The following RPS12 variants were observed in gnomAD, a reference collection of about 807,000 sequenced individuals.
RPS12 encodes the protein ribosomal protein S12.
RPS12 carries 1 observed loss-of-function variant against 17.2 expected under a neutral mutation model. The ratio of observed to expected loss-of-function variants is 0.06; its 90% CI spans 0.02 to 0.28. The LOEUF (loss-of-function observed/expected upper bound fraction) is 0.28, where lower values mean the gene tolerates loss of function less well. Ranked by LOEUF, RPS12 falls within the 10% of genes least tolerant of loss-of-function variation. RPS12 has a pLI of 1.00. For synonymous variants in RPS12, 67 were observed against 54.0 expected (o/e 1.24, Z -1.06); for missense variants, 146 against 162.1 (o/e 0.90, Z 0.54).
chr6:132,815,755 A>C (rs760317344), intron 3 of RPS12: 57 of 456,436 alleles, frequency 1.2e-4, no homozygotes, highest in African/African-American at 1.0e-3. Flanking sequence ...AGTAGGTCCT[A>C]GTATGAGTCT....
chr6:132,817,156 A>C, intron 5 of RPS12, 95 bp downstream of exon 5: 1 of 867,688 alleles, frequency 1.2e-6, no homozygotes, highest in Non-Finnish European at 1.9e-6. Context: ...AAAGGAAAAA[A>C]CTGATTCAAC....
At chr6:132,816,161 G>A (rs1782056687) in intron 3 of RPS12, 1 of 466,280 alleles carries the variant, frequency 2.1e-6, no homozygotes, top group Non-Finnish European at 3.9e-6. Flanking sequence ...GGTATATGAA[G>A]CTGGCTTACA....
At chr6:132,817,172 T>A in intron 5 of RPS12, 111 bp downstream of exon 5, 2 of 828,670 alleles carry the variant, frequency 2.4e-6, no homozygotes, top group Non-Finnish European at 4.2e-6. Context: ...TCAACAGGTT[T>A]AAAGCATTTT....
rs116977414 is a variant in RPS12, at chr6:132,814,821, G to A, written c.14+39G>A. ...CCGGGGTTGGAGTTGGGGTCGGGGT[G>A]CGGCTGAGGCGTGGGGCTAGAGCTG... On this transcript the variant is annotated intron_variant, in intron 2 of 5. Coordinates refer to ENST00000230050, the MANE Select transcript of RPS12 (RefSeq NM_001016.4). 14,352 of 1,577,576 alleles carry A rather than the reference G, an allele frequency of 9.1e-3. 94 individuals are homozygous for A. Among genetic ancestry groups the A allele is most frequent in the Non-Finnish European group, 0.011 (12,951 of 1,147,488 alleles).
chr6:132,815,375 C>A (rs768765474), intron 3 of RPS12: 3 of 600,870 alleles, frequency 5.0e-6, no homozygotes, highest in Non-Finnish European at 6.4e-6. Context: ...AAGAGTCTGA[C>A]AAACCTGTAG....
At position 132,817,419 on chromosome 6, in the gene RPS12, T is replaced by C. The variant is rs1263500520; in HGVS notation, c.337-61T>C. 8.4e-6 allele frequency: 9 copies of C among 1,068,814 alleles called. No homozygotes were observed. The Admixed American group carries it at 1.2e-4, about 14-fold the overall frequency. 66.2% of individuals were successfully genotyped at this position (1,068,814 alleles called of 1,614,324 possible). A position where few individuals can be genotyped will look rare whatever the true frequency, so the allele number is the denominator to read the frequency against. ...GAAGCTCCACTATAATTGATACTAA[T>C]AGCTTGGTGAAATTCCTAAATATTA... On this transcript the variant is annotated intron_variant, in intron 5 of 5. Coordinates refer to ENST00000230050, the MANE Select transcript of RPS12 (RefSeq NM_001016.4).
intron 3 of RPS12, chr6:132,815,971 A>G (rs1288588719): frequency 2.2e-6 from 1 of 450,642 alleles, no homozygotes. Flanking sequence ...AGATGGAATT[A>G]CAGGCACACG....
Position 132,814,612 on chromosome 6 carries a change from G to A in RPS12, c.-39G>A. 1.1e-6 allele frequency: 1 copy of A among 916,040 alleles called. No homozygotes were observed. Among genetic ancestry groups the A allele is most frequent in the Admixed American group, 1.7e-5 (1 of 57,448 alleles). 56.7% of individuals were successfully genotyped at this position (916,040 alleles called of 1,614,324 possible). ...CGAGTCGCGCGGAGGCGGAGGCTTG[G>A]GGTAAGTTGAGCGAGGCGGCAGGGG... On this transcript the variant is annotated splice_region_variant and 5_prime_UTR_variant, in exon 1 of 6. Transcript: ENST00000230050.
At chr6:132,814,950 G>C in intron 2 of RPS12, 22 bp from the exon 3 acceptor site, 1 of 1,521,632 alleles carries the variant, frequency 6.6e-7, no homozygotes, top group South Asian at 1.1e-5. Context: ...TTAACTGATG[G>C]TTCTGATGTG....
At position 132,816,077 on chromosome 6, in the gene RPS12, GC is replaced by G. The variant is rs111939480; in HGVS notation, c.132-378del. The G allele has an allele frequency of 3.8e-5, 14 of 371,478 alleles. 1 individual carries two copies. The East Asian group carries it at 7.9e-4, about 21-fold the overall frequency. 23.0% of individuals were successfully genotyped at this position (371,478 alleles called of 1,614,324 possible). On this transcript the variant is annotated intron_variant, in intron 3 of 5. Transcript: ENST00000230050. ...TGGTACTCCTGACCTCGGGTCATCT[GC>G]CCCCCTCGTCTTCCCAAAGTGCTGG...
chr6:132,816,198 C>T (rs1255559113), intron 3 of RPS12: 15 of 540,108 alleles, frequency 2.8e-5, no homozygotes, highest in Non-Finnish European at 4.7e-5. Flanking sequence ...TGGGTTTTGG[C>T]CAGAAGTTTT....
intron 5 of RPS12, 126 bp downstream of exon 5, chr6:132,817,187 A>G (rs1258598807): frequency 1.6e-5 from 13 of 796,592 alleles, no homozygotes; most frequent in African/African-American, 5.1e-5. Flanking sequence ...CATTTTCTGC[A>G]TTTCAGGAAA....
rs539423662 is a variant in RPS12 at position 132,814,611 on chromosome 6, G to T, written c.-40G>T. On this transcript the variant is annotated splice_region_variant and 5_prime_UTR_variant, in exon 1 of 6. Transcript: ENST00000230050. Reference sequence around the variant, plus strand: ...CCGAGTCGCGCGGAGGCGGAGGCTTGGGGTAAGTTGAGCGAGGCGGCAGGG... The same window carrying T: ...CCGAGTCGCGCGGAGGCGGAGGCTTTGGGTAAGTTGAGCGAGGCGGCAGGG... The T allele has an allele frequency of 8.0e-5, 73 of 909,018 alleles. No individual in the cohort carries two copies. The highest frequency in any genetic ancestry group is 1.2e-4 in the Non-Finnish European group (67 of 555,260). The allele number at this position is 909,018 out of a possible 1,614,324, so 56.3% of individuals were successfully genotyped here. A position where few individuals can be genotyped will look rare whatever the true frequency, so the allele number is the denominator to read the frequency against.
At chr6:132,816,798 T>TC (rs1562281209) in intron 4 of RPS12, 162 bp from the exon 5 acceptor site, 2 of 771,074 alleles carry the variant, frequency 2.6e-6, no homozygotes, top group South Asian at 2.7e-5. Context: ...TAGGTGATCT[T>TC]AGTGCTGTAC....
chr6:132,815,320 C>CTT (rs780439241), intron 3 of RPS12: 1 of 705,386 alleles, frequency 1.4e-6, no homozygotes, highest in Non-Finnish European at 2.6e-6. Flanking sequence ...TGAATGATGA[C>CTT]TTTAATTGTC....
At position 132,815,072 on chromosome 6, in the gene RPS12, G is replaced by A; in HGVS notation, c.115G>A (p.Ala39Thr). Residue 39 changes from alanine (A) to threonine (T), a missense_variant, in exon 3 of 6, where the codon GCC (alanine) becomes ACC (threonine). Ala to Thr is a moderately conservative substitution (Grantham distance 58). Coordinates refer to ENST00000230050, the MANE Select transcript of RPS12 (RefSeq NM_001016.4). ...DGLARGIREA[A>T]KALDKRQAHL... is the part of the protein sequence containing the mutation. ...CCTAGCACGTGGAATTCGCGAAGCT[G>A]CCAAAGCCTTAGACAAGTACGTGTA... The A allele has an allele frequency of 6.2e-7, 1 of 1,610,588 alleles. No homozygotes were observed. Among genetic ancestry groups the A allele is most frequent in the Non-Finnish European group, 8.5e-7 (1 of 1,176,794 alleles).
Position 132,816,955 on chromosome 6 carries a change from A to T in RPS12, c.235-5A>T, listed in dbSNP as rs748483846. The T allele has an allele frequency of 6.4e-7, 1 of 1,574,456 alleles. No homozygotes were observed. The highest frequency in any genetic ancestry group is 2.2e-5 in the East Asian group (1 of 44,694). On this transcript the variant is annotated splice_polypyrimidine_tract_variant and splice_region_variant and intron_variant, in intron 4 of 5. Coordinates refer to ENST00000230050, the MANE Select transcript of RPS12 (RefSeq NM_001016.4). ...TTTTTTTTTTTTTAACCTTTCTCCC[A>T]ATAGGTTGATGACAACAAGAAACTA... is the stretch of plus-strand genomic sequence containing the variant.
In RPS12 at chr6:132,814,605, A is replaced by AGGCTTGGGGTAAGTTGAGCGAGGCGGC. The variant is rs1781998707; in HGVS notation, c.-45_-38+19dup. ...CCGCCGCCGAGTCGCGCGGAGGCGG[A>AGGCTTGGGGTAAGTTGAGCGAGGCGGC]GGCTTGGGGTAAGTTGAGCGAGGCG... On this transcript the variant is annotated 5_prime_UTR_variant, in exon 1 of 6. Coordinates refer to ENST00000230050, the MANE Select transcript of RPS12 (RefSeq NM_001016.4). 1 of 859,554 alleles carries AGGCTTGGGGTAAGTTGAGCGAGGCGGC rather than the reference A, an allele frequency of 1.2e-6. No individual in the cohort carries two copies. Among genetic ancestry groups the AGGCTTGGGGTAAGTTGAGCGAGGCGGC allele is most frequent in the East Asian group, 2.4e-5 (1 of 41,368 alleles). The allele number at this position is 859,554 out of a possible 1,614,324, so 53.2% of individuals were successfully genotyped here. A position where few individuals can be genotyped will look rare whatever the true frequency, so the allele number is the denominator to read the frequency against.
intron 3 of RPS12, chr6:132,815,409 A>G: frequency 1.8e-6 from 1 of 547,658 alleles, no homozygotes. Flanking sequence ...TCAGTCTTAT[A>G]CTTATCTGGC....
Sources: gnomAD v4.1 joint callset for allele counts on GRCh38, gnomAD v4.1.1 for gene constraint, MANE v1.5 for transcripts, NCBI Gene and HGNC (gene_info 2026-07-23, HGNC 2026-07-21) for gene names.